USP32: variants seen among roughly 807,000 people sequenced by gnomAD.
The protein encoded by USP32 is ubiquitin specific peptidase 32.
In USP32, 59 loss-of-function variants were observed where a neutral mutation model predicts 204.8. The ratio of observed to expected loss-of-function variants is 0.29; its 90% CI spans 0.23 to 0.36. USP32 has a LOEUF of 0.36. Ranked by LOEUF, USP32 falls within the 10% of genes least tolerant of loss-of-function variation. USP32 has a pLI of 1.00. For missense variants in USP32, 1,160 were observed against 1,946.4 expected, an observed-to-expected ratio of 0.60 and a Z score of 7.60; for synonymous variants, 517 against 678.4, an observed-to-expected ratio of 0.76 and a Z score of 3.70.
chr17:60,333,798 C>A (rs2088448255), intron 2 of USP32, among the ~76,000 whole-genome samples: 1 of 152,092 alleles, frequency 6.6e-6, no homozygotes, highest in Admixed American at 6.6e-5. Context: ...CTGTTTTTAT[C>A]ATAAGTTTAT....
rs1414179124 is a variant in USP32, at chr17:60,219,656, C to A, written c.1867+14G>T. The A allele has an allele frequency of 1.3e-6, 2 of 1,548,380 alleles. No individual in the cohort carries two copies. The highest frequency in any genetic ancestry group is 1.7e-4 in the Middle Eastern group (1 of 5,728). On this transcript the variant is annotated intron_variant, in intron 16 of 33. Transcript: ENST00000300896. ...TCGGTAAATGCTGAGGAAACATTCT[C>A]AGGCTCATCATACCCATATTCACCC...
chr17:60,380,907 T>C (rs2089636270), intron 1 of USP32, among the ~76,000 whole-genome samples: 2 of 152,202 alleles, frequency 1.3e-5, no homozygotes, highest in Admixed American at 1.3e-4. Flanking sequence ...TTTTCCTTCA[T>C]ATTTACTACT....
chr17:60,213,353 G>A (rs944875874), intron 18 of USP32, among the ~76,000 whole-genome samples: 2 of 152,252 alleles, frequency 1.3e-5, no homozygotes, highest in African/African-American at 4.8e-5. Flanking sequence ...GTCAGTCAAT[G>A]ACTAAAAACA....
At chr17:60,293,536 C>T (rs2087341215) in intron 4 of USP32, among the ~76,000 whole-genome samples, 1 of 152,138 alleles carries the variant, frequency 6.6e-6, no homozygotes, top group Non-Finnish European at 1.5e-5. Context: ...CCTTTTGCAC[C>T]TGACACTTGG....
chr17:60,317,857 C>T (rs547378495), intron 2 of USP32, among the ~76,000 whole-genome samples: 4 of 152,064 alleles, frequency 2.6e-5, no homozygotes, highest in African/African-American at 7.2e-5. Context: ...TGGTGGCATG[C>T]GCCTATAGTC....
intron 1 of USP32, among the ~76,000 whole-genome samples, chr17:60,371,798 A>G (rs1598295742): frequency 6.6e-6 from 1 of 152,330 alleles, no homozygotes; most frequent in East Asian, 1.9e-4. Context: ...TAAACTGCCA[A>G]CAACTCATAG....
At chr17:60,289,361 T>TC (rs2087210596) in intron 4 of USP32, among the ~76,000 whole-genome samples, 1 of 152,200 alleles carries the variant, frequency 6.6e-6, no homozygotes, top group Non-Finnish European at 1.5e-5. Context: ...GCCTTATCCC[T>TC]CTTCTTTAGC....
chr17:60,178,092 T>C lies in USP32; in HGVS notation c.*1163A>G, dbSNP rs2145333620. Among the ~76,000 whole-genome samples the C allele has an allele frequency of 6.6e-6, 1 of 151,998 alleles. No individual in the cohort carries two copies. Among genetic ancestry groups the C allele is most frequent in the East Asian group, 1.9e-4 (1 of 5,176 alleles). On this transcript the variant is annotated 3_prime_UTR_variant, in exon 34 of 34. Transcript: ENST00000300896. ...CTGTAAAATTTAAAAAAAAGACAAA[T>C]ATCAAAATAAAAAAATTAGTGGACA... is the stretch of plus-strand genomic sequence containing the variant.
chr17:60,285,543 T>C (rs1176663916), intron 5 of USP32, among the ~76,000 whole-genome samples: 1 of 152,158 alleles, frequency 6.6e-6, no homozygotes, highest in African/African-American at 2.4e-5. Context: ...ATTGGAAAGA[T>C]AGGATAATAC....
chr17:60,204,466 CTTTTTTTTT>C (rs748141290), intron 26 of USP32, among the ~76,000 whole-genome samples: 2 of 129,452 alleles, frequency 1.5e-5, no homozygotes, highest in Non-Finnish European at 3.3e-5. Context: ...TTAGGAGATA[CTTTTTTTTT>C]TTTTTTTTTT....
At chr17:60,263,496 A>G (rs1269001008) in intron 9 of USP32, among the ~76,000 whole-genome samples, 3 of 152,146 alleles carry the variant, frequency 2.0e-5, no homozygotes, top group African/African-American at 7.2e-5. Context: ...AACTATTACT[A>G]TTTCATTATC....
intron 1 of USP32, among the ~76,000 whole-genome samples, chr17:60,360,763 A>T (rs528946349): frequency 1.3e-5 from 2 of 152,296 alleles, no homozygotes; most frequent in South Asian, 4.1e-4. Flanking sequence ...TTGTGCTGGG[A>T]TTAATTTTTT....
chr17:60,421,515 C>A, intron 1 of USP32: 1 of 985,360 alleles, frequency 1.0e-6, no homozygotes, highest in Non-Finnish European at 1.2e-6. Flanking sequence ...GGGCCCGGGC[C>A]CAGAGGACAC....
intron 1 of USP32, among the ~76,000 whole-genome samples, chr17:60,412,234 T>G (rs1224433244): frequency 6.6e-6 from 1 of 152,172 alleles, no homozygotes; most frequent in Non-Finnish European, 1.5e-5. Flanking sequence ...CCAGGTGTGG[T>G]GGCTCATGCC....
chr17:60,279,613 G>C lies in USP32; in HGVS notation c.572-8132C>G, dbSNP rs151053350. Among the ~76,000 whole-genome samples, 534 of 152,130 alleles carry C rather than the reference G, an allele frequency of 3.5e-3. 5 individuals are homozygous for C. Among genetic ancestry groups the C allele is most frequent in the African/African-American group, 0.012 (516 of 41,514 alleles). ...TCACTTTGGGAGGCTGAGGCAGGTAGATCACTAGAGCCCAGGAGTTTGAGG... is the reference window on the plus strand; with the variant it reads ...TCACTTTGGGAGGCTGAGGCAGGTACATCACTAGAGCCCAGGAGTTTGAGG... On this transcript the variant is annotated intron_variant, in intron 5 of 33. Transcript: ENST00000300896.
intron 12 of USP32, among the ~76,000 whole-genome samples, chr17:60,234,160 C>G (rs1400815599): frequency 6.6e-6 from 1 of 150,906 alleles, no homozygotes; most frequent in Non-Finnish European, 1.5e-5. Context: ...GTCGCCCAGG[C>G]TGGAGTGCAG....
At chr17:60,291,452 A>T (rs1322944093) in intron 4 of USP32, among the ~76,000 whole-genome samples, 9 of 152,212 alleles carry the variant, frequency 5.9e-5, no homozygotes, top group Non-Finnish European at 1.3e-4. Context: ...AAAGCACAAG[A>T]TAGAAAAAGC....
chr17:60,294,595 T>A (rs1327382585), intron 4 of USP32, 88 bp downstream of exon 4: 1 of 754,246 alleles, frequency 1.3e-6, no homozygotes, highest in Non-Finnish European at 2.1e-6. Context: ...CACATAAACA[T>A]CTGTTTGTCA....
intron 5 of USP32, among the ~76,000 whole-genome samples, chr17:60,284,513 C>T (rs2087059765): frequency 6.6e-6 from 1 of 152,074 alleles, no homozygotes; most frequent in African/African-American, 2.4e-5. Flanking sequence ...AGCCACCACG[C>T]CCAGCCTAAT....
Sources: allele counts gnomAD v4.1 joint callset (sites outside exome capture counted in the v4.1 genomes callset), GRCh38; gene constraint gnomAD v4.1.1; transcripts MANE v1.5; gene names NCBI Gene and HGNC (gene_info 2026-07-23, HGNC 2026-07-21).